Variants in SLC6A3 observed in about 807,000 individuals in gnomAD.
SLC6A3 encodes solute carrier family 6 member 3.
SLC6A3 carries 19 observed loss-of-function variants against 70.4 expected under a neutral mutation model. The ratio of observed to expected loss-of-function variants is 0.27; its 90% CI spans 0.19 to 0.40. The LOEUF (loss-of-function observed/expected upper bound fraction) is 0.40. Ranked by LOEUF, SLC6A3 falls within the 10% of genes least tolerant of loss-of-function variation. The probability of loss-of-function intolerance (pLI) is 1.00; values close to 1 mark genes in which losing one functional copy is unlikely to be tolerated. For missense variants in SLC6A3, 613 were observed against 838.5 expected (o/e 0.73, Z 3.32); for synonymous variants, 368 against 356.6 (o/e 1.03, Z -0.36).
chr5:1,440,316 G>A (rs145832203), intron 3 of SLC6A3, among the ~76,000 whole-genome samples: 19 of 152,156 alleles, frequency 1.2e-4, no homozygotes, highest in Middle Eastern at 6.8e-3. Context: ...TAGATGGATC[G>A]ATAGGTAGAT....
Position 1,411,891 on chromosome 5 carries a change from C to T in SLC6A3, c.1157-536G>A, listed in dbSNP as rs921123364. Among the ~76,000 whole-genome samples, 1 of 151,292 alleles carries T rather than the reference C, an allele frequency of 6.6e-6. No homozygotes were observed. The highest frequency in any genetic ancestry group is 1.9e-4 in the East Asian group (1 of 5,176). ...ACCATGCAACATACACACTCAGACA[C>T]ACATACCATGCAATATACACACACA... On this transcript the variant is annotated intron_variant, in intron 8 of 14. Transcript: ENST00000270349. This position sits in a 1 kb window ranked among gnomAD's most constrained non-coding sequence, Gnocchi z 6.5.
At chr5:1,418,634 C>T (rs1393374346) in intron 6 of SLC6A3, among the ~76,000 whole-genome samples, 1 of 151,686 alleles carries the variant, frequency 6.6e-6, no homozygotes, top group Non-Finnish European at 1.5e-5. Flanking sequence ...ATCATCGATC[C>T]ATCCATCCAT....
chr5:1,432,611 G>A lies in SLC6A3; in HGVS notation c.506C>T (p.Ser169Phe). 1.2e-6 allele frequency: 2 copies of A among 1,614,250 alleles called. No individual in the cohort carries two copies. Among genetic ancestry groups the A allele is most frequent in the Non-Finnish European group, 8.5e-7 (1 of 1,180,042 alleles). ...IIAWALHYLF[S>F]SFTTELPWIH... ...CCAGGGGAGCTCCGTGGTGAAGGAGGAGAAGAGATAGTGCAGCGCCCAGGC... is the reference window on the plus strand; with the variant it reads ...CCAGGGGAGCTCCGTGGTGAAGGAGAAGAAGAGATAGTGCAGCGCCCAGGC... Residue 169 changes from serine (S) to phenylalanine (F), a missense_variant, in exon 4 of 15, where the codon TCC (serine) becomes TTC (phenylalanine). By Grantham distance (155) the Ser-to-Phe change is radical. Transcript: ENST00000270349.
chr5:1,411,952 GCATT>G lies in SLC6A3; in HGVS notation c.1157-601_1157-598del, dbSNP rs541696732. Among the ~76,000 whole-genome samples the G allele has an allele frequency of 2.7e-3, 411 of 152,170 alleles. 1 individual carries two copies. The highest frequency in any genetic ancestry group is 9.3e-3 in the African/African-American group (384 of 41,486). On this transcript the variant is annotated intron_variant, in intron 8 of 14. Coordinates refer to ENST00000270349, the MANE Select transcript of SLC6A3 (RefSeq NM_001044.5). This position sits in a 1 kb window ranked among gnomAD's most constrained non-coding sequence, Gnocchi z 6.5. ...CGCACATGCACGAACACTCATTTGT[GCATT>G]CAAACTCATACATGCAAGAACACAT...
At chr5:1,416,768 T>C (rs1450448302) in intron 6 of SLC6A3, among the ~76,000 whole-genome samples, 2 of 149,430 alleles carry the variant, frequency 1.3e-5, no homozygotes, top group Admixed American at 6.6e-5. Context: ...CGCAGCGTCC[T>C]AATAGCCCTC....
In SLC6A3 at chr5:1,438,419, T is replaced by C. The variant is rs1186981943; in HGVS notation, c.418+2940A>G. On this transcript the variant is annotated intron_variant, in intron 3 of 14. Transcript: ENST00000270349. This position sits in a 1 kb window ranked among gnomAD's most constrained non-coding sequence, Gnocchi z 6.5. The stretch of plus-strand genomic sequence containing the variant: ...CGGCTGCGCATTGTGGAGAACACGA[T>C]GATATGCCCACATCCGCCGGCTGCA... Among the ~76,000 whole-genome samples the C allele has an allele frequency of 6.6e-6, 1 of 152,198 alleles. No individual in the cohort carries two copies. Among genetic ancestry groups the C allele is most frequent in the African/African-American group, 2.4e-5 (1 of 41,460 alleles).
chr5:1,402,596 G>A lies in SLC6A3; in HGVS notation c.1767+326C>T, dbSNP rs941482005. On this transcript the variant is annotated intron_variant, in intron 13 of 14. Transcript: ENST00000270349. This position sits in a 1 kb window ranked among gnomAD's most constrained non-coding sequence, Gnocchi z 8.5. Reference sequence around the variant, plus strand: ...CCCAGGCCCACACACACGTGCACACGGAGACAGCACATACAGACACAGAGA... The same window carrying A: ...CCCAGGCCCACACACACGTGCACACAGAGACAGCACATACAGACACAGAGA... Among the ~76,000 whole-genome samples the A allele has an allele frequency of 4.6e-5, 7 of 152,170 alleles. No individual in the cohort carries two copies. Among genetic ancestry groups the A allele is most frequent in the Admixed American group, 3.3e-4 (5 of 15,302 alleles).
In SLC6A3 at chr5:1,408,203, A is replaced by ATTTTTTTTTTTTTTT. The variant is rs760385170; in HGVS notation, c.1498+808_1498+822dup. On this transcript the variant is annotated intron_variant, in intron 11 of 14. Transcript: ENST00000270349. This position sits in a 1 kb window ranked among gnomAD's most constrained non-coding sequence, Gnocchi z 6.4. ...AGCCTTGTGCCACCACACCCGGCTAATTTTTTTTTTTTTTTTTTTTAGTAA... is the reference window on the plus strand; with the variant it reads ...AGCCTTGTGCCACCACACCCGGCTAATTTTTTTTTTTTTTTTTTTTTTTTTTTTTTTTTTTAGTAA... Among the ~76,000 whole-genome samples the ATTTTTTTTTTTTTTT allele has an allele frequency of 7.6e-6, 1 of 131,544 alleles. No individual in the cohort carries two copies. The highest frequency in any genetic ancestry group is 2.9e-5 in the African/African-American group (1 of 34,260). 86.3% of individuals were successfully genotyped at this position (131,544 alleles called of 152,430 possible). A position where few individuals can be genotyped will look rare whatever the true frequency, so the allele number is the denominator to read the frequency against.
chr5:1,417,416 G>T (rs909832079), intron 6 of SLC6A3, among the ~76,000 whole-genome samples: 1 of 152,156 alleles, frequency 6.6e-6, no homozygotes, highest in Non-Finnish European at 1.5e-5. Flanking sequence ...CTGATTGGAC[G>T]CACACCAGCA....
intron 11 of SLC6A3, among the ~76,000 whole-genome samples, chr5:1,407,181 C>A (rs202178354): frequency 5.3e-5 from 8 of 152,200 alleles, no homozygotes; most frequent in East Asian, 3.8e-4. Context: ...TTTCTCCCCC[C>A]ACATCTGGCC....
intron 4 of SLC6A3, among the ~76,000 whole-genome samples, chr5:1,423,572 G>T (rs192850263): frequency 6.6e-6 from 1 of 152,222 alleles, no homozygotes; most frequent in Non-Finnish European, 1.5e-5. Context: ...GGAATCACTC[G>T]CAGTTCCACT....
rs199564835 is a variant in SLC6A3, at chr5:1,411,312, C to T, written c.1200G>A (p.Thr400=). 1.7e-5 allele frequency: 26 copies of T among 1,554,098 alleles called. No individual in the cohort carries two copies. The highest frequency in any genetic ancestry group is 3.6e-5 in the South Asian group (3 of 84,208). The stretch of plus-strand genomic sequence containing the variant: ...CGGCCCAGGCTGAGGACAGAGGGAG[C>T]GTGGCGATGGCTTCCGGGTAGATGA... ...IFIIYPEAIA[T]LPLSSAWAVV... is the part of the protein sequence containing the mutation. Residue 400 remains threonine (T), a synonymous_variant, in exon 9 of 15, where the codon ACG becomes ACA. Coordinates refer to ENST00000270349, the MANE Select transcript of SLC6A3 (RefSeq NM_001044.5). This position sits in a 1 kb window ranked among gnomAD's most constrained non-coding sequence, Gnocchi z 6.5.
intron 10 of SLC6A3, 66 bp downstream of exon 10, chr5:1,409,655 G>C (rs1756066809): frequency 3.8e-6 from 6 of 1,599,174 alleles, no homozygotes; most frequent in Non-Finnish European, 2.6e-6. Context: ...GTCCCAGCCA[G>C]GGCGCCCCGT....
chr5:1,431,688 G>A (rs1461556026), intron 4 of SLC6A3, among the ~76,000 whole-genome samples: 1 of 151,908 alleles, frequency 6.6e-6, no homozygotes, highest in Non-Finnish European at 1.5e-5. Flanking sequence ...GGACTTTGTG[G>A]TTTGTGCCTG....
At chr5:1,418,630 G>A (rs12332091) in intron 6 of SLC6A3, among the ~76,000 whole-genome samples, 1 of 128,520 alleles carries the variant, frequency 7.8e-6, no homozygotes, top group African/African-American at 3.0e-5. Context: ...ATCCATCATC[G>A]ATCCATCCAT....
rs1269770786 is a variant in SLC6A3 at position 1,421,753 on chromosome 5, A to G, written c.792+123T>C. 1 of 1,078,530 alleles carries G rather than the reference A, an allele frequency of 9.3e-7. No homozygotes were observed. The highest frequency in any genetic ancestry group is 1.3e-5 in the South Asian group (1 of 80,000). The allele number at this position is 1,078,530 out of a possible 1,614,324, so 66.8% of individuals were successfully genotyped here. A position where few individuals can be genotyped will look rare whatever the true frequency, so the allele number is the denominator to read the frequency against. The stretch of plus-strand genomic sequence containing the variant: ...GCCATGTGTCCACCCCAACCTGGCC[A>G]TGGCCACATTGGTAGCACAAAACCC... On this transcript the variant is annotated intron_variant, in intron 5 of 14. Coordinates refer to ENST00000270349, the MANE Select transcript of SLC6A3 (RefSeq NM_001044.5). The surrounding 1 kb of genome is among the most constrained non-coding windows in gnomAD (Gnocchi z 7.2).
Position 1,440,288 on chromosome 5 carries a change from A to G in SLC6A3, c.418+1071T>C, listed in dbSNP as rs117123009. 8.9e-4 allele frequency among the ~76,000 whole-genome samples: 135 copies of G among 152,178 alleles called. 3 individuals are homozygous for G. In the East Asian group the frequency reaches 0.025, roughly 28 times the overall value. The stretch of plus-strand genomic sequence containing the variant: ...CCATAGATAGATGAATGGATGAATG[A>G]ATGGATGGATGGATAGATAGATGGA... On this transcript the variant is annotated intron_variant, in intron 3 of 14. Transcript: ENST00000270349.
rs570713146 is a variant in SLC6A3 at position 1,421,440 on chromosome 5, G to C, written c.792+436C>G. 6.6e-6 allele frequency among the ~76,000 whole-genome samples: 1 copy of C among 152,134 alleles called. No individual in the cohort carries two copies. The highest frequency in any genetic ancestry group is 1.5e-5 in the Non-Finnish European group (1 of 68,010). ...GATCTGCCCGTCTCAGCCTCCCAAA[G>C]TATTTTTATCAACAAAAAAATCATC... On this transcript the variant is annotated intron_variant, in intron 5 of 14. Transcript: ENST00000270349. This position sits in a 1 kb window ranked among gnomAD's most constrained non-coding sequence, Gnocchi z 7.2.
chr5:1,442,928 G>A lies in SLC6A3; in HGVS notation c.270C>T (p.Cys90=). ...LANVWRFPYL[C]YKNGGGAFLV... ...GGGACTTACCGCCACCATTTTTGTA[G>A]CACAGGTAGGGGAACCGCCAGACGT... Residue 90 remains cysteine (C), a synonymous_variant, in exon 2 of 15, where the codon TGC becomes TGT. Coordinates refer to ENST00000270349, the MANE Select transcript of SLC6A3 (RefSeq NM_001044.5). The surrounding 1 kb of genome is among the most constrained non-coding windows in gnomAD (Gnocchi z 5.0). 1 of 1,614,200 alleles carries A rather than the reference G, an allele frequency of 6.2e-7. No homozygotes were observed.
Sources: allele counts gnomAD v4.1 joint callset (sites outside exome capture counted in the v4.1 genomes callset), GRCh38; gene constraint gnomAD v4.1.1; non-coding constraint Gnocchi (gnomAD v3.1); transcripts MANE v1.5; gene names NCBI Gene and HGNC (gene_info 2026-07-23, HGNC 2026-07-21).